The following TSHZ1 variants were observed in gnomAD, a reference collection of about 807,000 sequenced individuals.
TSHZ1 encodes the protein teashirt homolog 1.
Under a neutral mutation model 67.1 loss-of-function variants are expected in TSHZ1, and 12 were observed. The ratio of observed to expected loss-of-function variants is 0.18; its 90% CI spans 0.11 to 0.29. The LOEUF (loss-of-function observed/expected upper bound fraction) is 0.29, where lower values mean the gene tolerates loss of function less well. Ranked by LOEUF, TSHZ1 falls within the 10% of genes least tolerant of loss-of-function variation. The pLI is 1.00. For synonymous variants in TSHZ1, 632 were observed against 622.4 expected (o/e 1.02, Z -0.23); for missense variants, 1,305 against 1,413.9 (o/e 0.92, Z 1.23).
chr18:75,275,464 C>T (rs994359526), intron 1 of TSHZ1, among the ~76,000 whole-genome samples: 6 of 152,186 alleles, frequency 3.9e-5, no homozygotes, highest in African/African-American at 9.7e-5. Context: ...AGTCAGAGAA[C>T]GAGCCAGTAC....
chr18:75,271,542 G>A (rs2023557067), intron 1 of TSHZ1, among the ~76,000 whole-genome samples: 1 of 152,152 alleles, frequency 6.6e-6, no homozygotes, highest in African/African-American at 2.4e-5. Context: ...CAATAATGCA[G>A]CAGGATTTTG....
At chr18:75,230,283 C>T (rs114272739) in intron 1 of TSHZ1, among the ~76,000 whole-genome samples, 1,743 of 152,302 alleles carry the variant, frequency 0.011, 28 homozygotes, top group African/African-American at 0.038. Flanking sequence ...AATTCAGCAG[C>T]TCCTGTCCGT....
intron 1 of TSHZ1, among the ~76,000 whole-genome samples, chr18:75,212,849 T>G (rs2022717115): frequency 6.6e-6 from 1 of 152,318 alleles, no homozygotes; most frequent in East Asian, 1.9e-4. Flanking sequence ...GGTTTGAAAA[T>G]AGCCCAGTGA....
chr18:75,288,020 C>T lies in TSHZ1; in HGVS notation c.2613C>T (p.Ser871=), dbSNP rs749538622. ...AGAAGTCCGATGCTGATGGCAGCAG[C>T]TTTGAGGAGGCGTTGGACGAGCTGT... ...VSEKSDADGS[S]FEEALDELSP... The change falls in exon 2 of 2, where the codon AGC becomes AGT. Residue 871 remains serine, a synonymous_variant. Transcript: ENST00000580243. This position sits in a 1 kb window ranked among gnomAD's most constrained non-coding sequence, Gnocchi z 4.9. The T allele has an allele frequency of 1.5e-5, 24 of 1,614,050 alleles. No homozygotes were observed. The East Asian group carries it at 5.1e-4, about 34-fold the overall frequency.
At chr18:75,285,140 C>T in intron 1 of TSHZ1, 1 of 243,128 alleles carries the variant, frequency 4.1e-6, no homozygotes. Context: ...GGGTACTTGG[C>T]AGGTGGTGGC....
intron 1 of TSHZ1, among the ~76,000 whole-genome samples, chr18:75,237,338 A>G (rs1012888612): frequency 6.6e-6 from 1 of 152,104 alleles, no homozygotes; most frequent in African/African-American, 2.4e-5. Context: ...CCTGGGCAAC[A>G]TGGCGAAACC....
chr18:75,216,884 G>A (rs1234005856), intron 1 of TSHZ1, among the ~76,000 whole-genome samples: 1 of 152,184 alleles, frequency 6.6e-6, no homozygotes, highest in Non-Finnish European at 1.5e-5. Context: ...CCACTGGGCC[G>A]GGACCCACTC....
Position 75,287,099 on chromosome 18 carries a change from C to A in TSHZ1, c.1692C>A (p.Ser564Arg), listed in dbSNP as rs777263451. The A allele has an allele frequency of 1.9e-6, 3 of 1,614,150 alleles. No homozygotes were observed. Among genetic ancestry groups the A allele is most frequent in the South Asian group, 2.2e-5 (2 of 91,086 alleles). The change falls in exon 2 of 2, where the codon AGC becomes AGA. Residue 564 changes from serine (S) to arginine (R), a missense_variant. This residue lies in a region of TSHZ1 where 909 missense variants were observed against 961.8 expected (regional missense o/e 0.95). Transcript: ENST00000580243. This position sits in a 1 kb window ranked among gnomAD's most constrained non-coding sequence, Gnocchi z 5.0. ...AGAATACCGTCTCCACGGCCATTAG[C>A]AAAGCTCAGAATGGTGCGCCCTCAT... ...SLENTVSTAI[S>R]KAQNGAPSWG... is the part of the protein sequence containing the mutation.
intron 1 of TSHZ1, among the ~76,000 whole-genome samples, chr18:75,251,100 T>G (rs1211965475): frequency 6.6e-6 from 1 of 152,228 alleles, no homozygotes; most frequent in Non-Finnish European, 1.5e-5. Flanking sequence ...TTTTTACTGG[T>G]AAAGTCAATT....
In TSHZ1 at chr18:75,211,378, T is replaced by A. The variant is rs1466130878; in HGVS notation, c.-499T>A. Reference sequence around the variant, plus strand: ...GCTGCGACCCGCGCACTAAAAACACTCGCCGCGACCCCCAAACAGCGAGGA... The same window carrying A: ...GCTGCGACCCGCGCACTAAAAACACACGCCGCGACCCCCAAACAGCGAGGA... On this transcript the variant is annotated 5_prime_UTR_variant, in exon 1 of 2. Transcript: ENST00000580243. The A allele has an allele frequency of 6.6e-6, 1 of 151,498 alleles. No homozygotes were observed. Among genetic ancestry groups the A allele is most frequent in the African/African-American group, 2.4e-5 (1 of 41,228 alleles). 9.4% of individuals were successfully genotyped at this position (151,498 alleles called of 1,614,324 possible).
intron 1 of TSHZ1, among the ~76,000 whole-genome samples, chr18:75,234,859 A>T (rs770457497): frequency 1.8e-4 from 28 of 152,226 alleles, no homozygotes; most frequent in Non-Finnish European, 3.7e-4. Flanking sequence ...GTGATATTTT[A>T]GATGGGTTTT....
intron 1 of TSHZ1, chr18:75,283,962 G>T (rs1462244445): frequency 6.6e-6 from 1 of 152,224 alleles, no homozygotes; most frequent in African/African-American, 2.4e-5. Flanking sequence ...CATCATGAAT[G>T]ATGATATTTA....
At chr18:75,211,985 G>A (rs2022699729) in intron 1 of TSHZ1, 69 bp downstream of exon 1, 3 of 1,149,582 alleles carry the variant, frequency 2.6e-6, no homozygotes, top group South Asian at 8.6e-5. Context: ...GGCTTCGCGG[G>A]CCGAGGTGCG....
In TSHZ1 at chr18:75,287,768, C is replaced by T. The variant is rs1438031734; in HGVS notation, c.2361C>T (p.Tyr787=). ...ACAGCATGCTGGACAAGCCGGTGTACCCCGCCACCCCTGTGAAGCAGGCCG... is the reference window on the plus strand; with the variant it reads ...ACAGCATGCTGGACAAGCCGGTGTATCCCGCCACCCCTGTGAAGCAGGCCG... ...ISNSMLDKPV[Y]PATPVKQADA... Residue 787 remains tyrosine (Y), a synonymous_variant, in exon 2 of 2, where the codon TAC becomes TAT. Coordinates refer to ENST00000580243, the MANE Select transcript of TSHZ1 (RefSeq NM_001308210.2). This position sits in a 1 kb window ranked among gnomAD's most constrained non-coding sequence, Gnocchi z 5.0. The T allele has an allele frequency of 1.9e-6, 3 of 1,614,174 alleles. No homozygotes were observed. Among genetic ancestry groups the T allele is most frequent in the Non-Finnish European group, 2.5e-6 (3 of 1,180,038 alleles).
chr18:75,270,160 CG>C (rs1384916190), intron 1 of TSHZ1, among the ~76,000 whole-genome samples: 3 of 152,168 alleles, frequency 2.0e-5, no homozygotes, highest in Non-Finnish European at 4.4e-5. Context: ...TGTCCACCCC[CG>C]GCTGTGGGGT....
rs147180844 is a variant in TSHZ1 at position 75,237,958 on chromosome 18, C to G, written c.40+26042C>G. ...CTCCCGAGTAGCTGGGATTACAGGC[C>G]TGTGCCACCATGCCCGGCTAATTTT... On this transcript the variant is annotated intron_variant, in intron 1 of 1. Coordinates refer to ENST00000580243, the MANE Select transcript of TSHZ1 (RefSeq NM_001308210.2). Among the ~76,000 whole-genome samples, 248 of 152,110 alleles carry G rather than the reference C, an allele frequency of 1.6e-3. 2 individuals carry two copies. The highest frequency in any genetic ancestry group is 4.9e-3 in the African/African-American group (205 of 41,510).
chr18:75,261,692 G>A (rs9952952), intron 1 of TSHZ1, among the ~76,000 whole-genome samples: 87,952 of 152,124 alleles, frequency 0.58, 25,567 homozygotes, highest in South Asian at 0.69. Flanking sequence ...TGACTGATAA[G>A]AGGAAGTCAC....
chr18:75,242,031 A>T (rs2023163116), intron 1 of TSHZ1, among the ~76,000 whole-genome samples: 1 of 151,206 alleles, frequency 6.6e-6, no homozygotes, highest in African/African-American at 2.4e-5. Flanking sequence ...CTGGGAGGAT[A>T]TGAATTTTAG....
Position 75,213,417 on chromosome 18 carries a change from G to T in TSHZ1, c.40+1501G>T, listed in dbSNP as rs577027071. ...TATAGCTCAGTGTCTCAAGATATTC[G>T]CCACTTGCTCATGCTAGAAACAAGA... On this transcript the variant is annotated intron_variant, in intron 1 of 1. Coordinates refer to ENST00000580243, the MANE Select transcript of TSHZ1 (RefSeq NM_001308210.2). Among the ~76,000 whole-genome samples the T allele has an allele frequency of 2.6e-4, 40 of 152,234 alleles. No homozygotes were observed. In the South Asian group the frequency reaches 7.3e-3, roughly 28 times the overall value.
Sources: gnomAD v4.1 joint callset for allele counts (sites outside exome capture counted in the v4.1 genomes callset) on GRCh38, gnomAD v4.1.1 for gene constraint, gnomAD v4.1.1 regional missense constraint, Gnocchi (gnomAD v3.1) non-coding constraint, MANE v1.5 for transcripts, NCBI Gene and HGNC (gene_info 2026-07-23, HGNC 2026-07-21) for gene names.